The following RORA variants were observed in gnomAD, a reference collection of about 807,000 sequenced individuals.
RORA encodes the protein nuclear receptor ROR-alpha.
A neutral mutation model predicts 69.5 loss-of-function variants in RORA; 7 were observed. That is an observed-to-expected ratio of 0.10 (90% CI 0.06 to 0.19). The LOEUF (loss-of-function observed/expected upper bound fraction) is 0.19. Ranked by LOEUF, RORA falls within the 10% of genes least tolerant of loss-of-function variation. RORA has a pLI of 1.00. For missense variants in RORA, 457 were observed against 663.0 expected (o/e 0.69, Z 3.41); for synonymous variants, 261 against 240.8 (o/e 1.08, Z -0.78).
rs73428892 is a variant in RORA at position 61,086,043 on chromosome 15, T to C, written c.166+143010A>G. On this transcript the variant is annotated intron_variant, in intron 1 of 10. Coordinates refer to ENST00000335670, the MANE Select transcript of RORA (RefSeq NM_134261.3). Reference sequence around the variant, plus strand: ...AATGTAAATTTGGTAGTCTCACACATTGTGTAAAGAGGTATAAAAAATAAC... The same window carrying C: ...AATGTAAATTTGGTAGTCTCACACACTGTGTAAAGAGGTATAAAAAATAAC... Among the ~76,000 whole-genome samples the C allele has an allele frequency of 2.4e-3, 365 of 152,306 alleles. 1 individual carries two copies. The highest frequency in any genetic ancestry group is 8.2e-3 in the African/African-American group (342 of 41,568).
intron 2 of RORA, among the ~76,000 whole-genome samples, chr15:60,592,078 C>T (rs1437486466): frequency 6.6e-6 from 1 of 152,012 alleles, no homozygotes; most frequent in African/African-American, 2.4e-5. Context: ...CGGCGACTCC[C>T]GGCAAACTTT....
chr15:60,936,141 A>C (rs76644275), intron 1 of RORA, among the ~76,000 whole-genome samples: 4 of 152,194 alleles, frequency 2.6e-5, no homozygotes, highest in Non-Finnish European at 5.9e-5. Context: ...GCAGAAAAAC[A>C]ATGATGCTAG....
At chr15:60,882,636 TACAC>T (rs67057464) in intron 1 of RORA, among the ~76,000 whole-genome samples, 37,397 of 147,248 alleles carry the variant, frequency 0.25, 4,772 homozygotes, top group Non-Finnish European at 0.28. Flanking sequence ...GGAGCTTAAC[TACAC>T]ACACACACAC....
intron 1 of RORA, among the ~76,000 whole-genome samples, chr15:60,974,535 T>G (rs1208457336): frequency 2.6e-5 from 4 of 152,220 alleles, no homozygotes; most frequent in Non-Finnish European, 5.9e-5. Flanking sequence ...CTCTGCTTTT[T>G]CTTTGTGGCT....
intron 1 of RORA, among the ~76,000 whole-genome samples, chr15:60,698,375 T>C (rs560760131): frequency 1.3e-5 from 2 of 152,348 alleles, no homozygotes; most frequent in East Asian, 1.9e-4. Context: ...CTGCCCCTCG[T>C]TGACATGGCA....
intron 2 of RORA, among the ~76,000 whole-genome samples, chr15:60,603,147 G>A (rs983925872): frequency 2.0e-5 from 3 of 152,090 alleles, no homozygotes; most frequent in African/African-American, 7.2e-5. Flanking sequence ...TCCACAGTTT[G>A]TTTATTCATT....
chr15:60,698,630 GTTTTTTT>G (rs34961839), intron 1 of RORA, among the ~76,000 whole-genome samples: 28 of 112,698 alleles, frequency 2.5e-4, no homozygotes, highest in African/African-American at 7.0e-4. Flanking sequence ...TGGCATTTGT[GTTTTTTT>G]TTTTTTTTTT....
chr15:60,675,194 T>C (rs1176386210), intron 2 of RORA, among the ~76,000 whole-genome samples: 1 of 152,184 alleles, frequency 6.6e-6, no homozygotes, highest in Non-Finnish European at 1.5e-5. Context: ...TCGTTGTCCT[T>C]GGCAAATAAT....
intron 1 of RORA, among the ~76,000 whole-genome samples, chr15:60,992,439 C>A (rs1400877928): frequency 6.6e-6 from 1 of 152,198 alleles, no homozygotes; most frequent in Non-Finnish European, 1.5e-5. Context: ...TTTGCCCTTA[C>A]AACCCATGTA....
At chr15:60,780,414 A>G (rs1239648628) in intron 1 of RORA, among the ~76,000 whole-genome samples, 1 of 152,236 alleles carries the variant, frequency 6.6e-6, no homozygotes, top group East Asian at 1.9e-4. Context: ...TGTAAGATAC[A>G]TGACCTGTCA....
At chr15:60,893,594 T>C (rs576615455) in intron 1 of RORA, among the ~76,000 whole-genome samples, 4 of 152,212 alleles carry the variant, frequency 2.6e-5, no homozygotes, top group Admixed American at 1.3e-4. Flanking sequence ...TCTGGGTGTG[T>C]GTGTGCGTTT....
intron 1 of RORA, among the ~76,000 whole-genome samples, chr15:60,968,679 TTTA>T (rs956368538): frequency 7.2e-5 from 11 of 152,182 alleles, no homozygotes; most frequent in Non-Finnish European, 1.5e-5. Flanking sequence ...TTTTTTTTTT[TTTA>T]TTAACTGAGC....
chr15:61,068,052 G>A (rs2078289739), intron 1 of RORA, among the ~76,000 whole-genome samples: 1 of 152,156 alleles, frequency 6.6e-6, no homozygotes, highest in South Asian at 2.1e-4. Flanking sequence ...GCCATATTTT[G>A]GTCAAAATAT....
chr15:60,503,406 T>C lies in RORA; in HGVS notation c.1075+129A>G, dbSNP rs925790668. 4 of 823,810 alleles carry C rather than the reference T, an allele frequency of 4.9e-6. No individual in the cohort carries two copies. In the East Asian group the frequency reaches 8.1e-5, roughly 17 times the overall value. The allele number at this position is 823,810 out of a possible 1,614,324, so 51.0% of individuals were successfully genotyped here. A position where few individuals can be genotyped will look rare whatever the true frequency, so the allele number is the denominator to read the frequency against. On this transcript the variant is annotated intron_variant, in intron 7 of 10. Coordinates refer to ENST00000335670, the MANE Select transcript of RORA (RefSeq NM_134261.3). ...CCTTTGAAAAGAACTCCATTTCTGC[T>C]AAGAAAAACCTGAGCTATTATCATT...
In RORA at chr15:60,834,554, G is replaced by T. The variant is rs560391954; in HGVS notation, c.167-155868C>A. Among the ~76,000 whole-genome samples the T allele has an allele frequency of 2.6e-5, 4 of 152,320 alleles. No homozygotes were observed. In the East Asian group the frequency reaches 7.7e-4, roughly 29 times the overall value. On this transcript the variant is annotated intron_variant, in intron 1 of 10. Coordinates refer to ENST00000335670, the MANE Select transcript of RORA (RefSeq NM_134261.3). ...TAGTTTGGCAGATTACCAAGGTGAT[G>T]ATATTAAGCTTAAGACTGCCTGTTA...
At chr15:60,891,966 C>T (rs2073817568) in intron 1 of RORA, among the ~76,000 whole-genome samples, 1 of 152,178 alleles carries the variant, frequency 6.6e-6, no homozygotes, top group Admixed American at 6.5e-5. Context: ...TTCCAAGCTT[C>T]CTCCAGAGGA....
Position 60,555,529 on chromosome 15 carries a change from T to C in RORA, c.197-23678A>G, listed in dbSNP as rs1416251783. 5.9e-5 allele frequency among the ~76,000 whole-genome samples: 9 copies of C among 152,204 alleles called. No individual in the cohort carries two copies. In the East Asian group the frequency reaches 1.3e-3, roughly 23 times the overall value. On this transcript the variant is annotated intron_variant, in intron 2 of 10. Coordinates refer to ENST00000335670, the MANE Select transcript of RORA (RefSeq NM_134261.3). ...TGCCAACGTCTACCCTGTTTCATAA[T>C]TGCCAACACAGCCTTGTTCAAAAGA...
chr15:61,000,910 C>A (rs1894724443), intron 1 of RORA, among the ~76,000 whole-genome samples: 1 of 152,124 alleles, frequency 6.6e-6, no homozygotes, highest in South Asian at 2.1e-4. Context: ...GCCTCAGTTT[C>A]TTCATCTTTA....
At chr15:61,009,711 G>C (rs1439861012) in intron 1 of RORA, among the ~76,000 whole-genome samples, 1 of 152,196 alleles carries the variant, frequency 6.6e-6, no homozygotes, top group Non-Finnish European at 1.5e-5. Flanking sequence ...ATTTCTGTAA[G>C]TAATGTCAAA....
Sources: allele counts gnomAD v4.1 joint callset (sites outside exome capture counted in the v4.1 genomes callset), GRCh38; gene constraint gnomAD v4.1.1; transcripts MANE v1.5; gene names NCBI Gene and HGNC (gene_info 2026-07-23, HGNC 2026-07-21).